PRTFDC1: variants seen among roughly 807,000 people sequenced by gnomAD.
PRTFDC1 encodes the protein phosphoribosyltransferase domain-containing protein 1.
Under a neutral mutation model 34.6 loss-of-function variants are expected in PRTFDC1, and 38 were observed. That is an observed-to-expected ratio of 1.10 (90% CI 0.85 to 1.44). The LOEUF (loss-of-function observed/expected upper bound fraction) is 1.44, where lower values mean the gene tolerates loss of function less well. Among genes scored for constraint, PRTFDC1 ranks in the 40% most tolerant of loss-of-function variants. The probability of loss-of-function intolerance (pLI) is 0.00; values close to 1 mark genes in which losing one functional copy is unlikely to be tolerated. For synonymous variants in PRTFDC1, 93 were observed against 98.1 expected (o/e 0.95, Z 0.31); for missense variants, 270 against 283.0 (o/e 0.95, Z 0.33).
chr10:24,905,820 T>A (rs957100259), intron 3 of PRTFDC1, among the ~76,000 whole-genome samples: 1 of 152,188 alleles, frequency 6.6e-6, no homozygotes, highest in Non-Finnish European at 1.5e-5. Flanking sequence ...TGATTACTTA[T>A]TTAATAATAT....
intron 3 of PRTFDC1, among the ~76,000 whole-genome samples, chr10:24,933,689 G>C (rs1849003892): frequency 7.3e-6 from 1 of 136,168 alleles, no homozygotes; most frequent in Non-Finnish European, 1.6e-5. Context: ...AAAAGAGTTT[G>C]GCAATTTTTT....
Position 24,952,051 on chromosome 10 carries a change from T to C in PRTFDC1, c.48+477A>G, listed in dbSNP as rs1309436167. Among the ~76,000 whole-genome samples the C allele has an allele frequency of 2.6e-5, 4 of 152,246 alleles. No individual in the cohort carries two copies. Among genetic ancestry groups the C allele is most frequent in the Non-Finnish European group, 5.9e-5 (4 of 68,038 alleles). ...ACCAAAGGCTTCAAATCTCAAGCTC[T>C]GTCCACTTGAGCTACTTTATTTCCT... On this transcript the variant is annotated intron_variant, in intron 1 of 8. Coordinates refer to ENST00000320152, the MANE Select transcript of PRTFDC1 (RefSeq NM_020200.7). This position sits in a 1 kb window ranked among gnomAD's most constrained non-coding sequence, Gnocchi z 5.1.
At chr10:24,946,473 C>A (rs1399164499) in intron 1 of PRTFDC1, among the ~76,000 whole-genome samples, 2 of 152,018 alleles carry the variant, frequency 1.3e-5, no homozygotes, top group Non-Finnish European at 2.9e-5. Context: ...ACAAATGAAA[C>A]AAACCTATAA....
chr10:24,922,807 C>T (rs1216063774), intron 3 of PRTFDC1, among the ~76,000 whole-genome samples: 8 of 152,134 alleles, frequency 5.3e-5, no homozygotes, highest in Non-Finnish European at 8.8e-5. Context: ...ACAGTGGGTG[C>T]GGCCCATAGG....
Position 24,937,197 on chromosome 10 carries a change from A to C in PRTFDC1, c.326T>G (p.Leu109Arg). The part of the protein sequence containing the change: ...FVSMKVDFIR[L>R]KSYRNDQSMG... The stretch of plus-strand genomic sequence containing the variant: ...GTAATAACTTACCCTGTAACTTTTT[A>C]GTCTGATGAAATCAACCTTCATTGA... Residue 109 changes from leucine (L) to arginine (R), a missense_variant, in exon 3 of 9, where the codon CTA becomes CGA. Physicochemically the swap from Leu to Arg is moderately radical, Grantham distance 102. Coordinates refer to ENST00000320152, the MANE Select transcript of PRTFDC1 (RefSeq NM_020200.7). 1 of 1,612,444 alleles carries C rather than the reference A, an allele frequency of 6.2e-7. No homozygotes were observed. Among genetic ancestry groups the C allele is most frequent in the Non-Finnish European group, 8.5e-7 (1 of 1,179,448 alleles).
intron 1 of PRTFDC1, among the ~76,000 whole-genome samples, chr10:24,945,063 A>G (rs1338972097): frequency 1.3e-5 from 2 of 152,074 alleles, no homozygotes; most frequent in Non-Finnish European, 2.9e-5. Context: ...AGATTTCCAC[A>G]TGGCTGTCCT....
At chr10:24,872,700 T>TAC (rs1474199458) in intron 3 of PRTFDC1, among the ~76,000 whole-genome samples, 3 of 142,064 alleles carry the variant, frequency 2.1e-5, no homozygotes, top group African/African-American at 8.0e-5. Context: ...TATATATATA[T>TAC]ACACAAAATA....
chr10:24,854,894 C>A (rs982487796), intron 7 of PRTFDC1, among the ~76,000 whole-genome samples: 3 of 152,132 alleles, frequency 2.0e-5, no homozygotes, highest in Non-Finnish European at 4.4e-5. Context: ...GCATAAGAAT[C>A]CCTCTAAACC....
At chr10:24,854,182 G>A (rs761060359) in intron 7 of PRTFDC1, among the ~76,000 whole-genome samples, 11 of 152,160 alleles carry the variant, frequency 7.2e-5, no homozygotes, top group Non-Finnish European at 1.3e-4. Flanking sequence ...TGTCATTGAA[G>A]TGAATGTTTT....
intron 7 of PRTFDC1, among the ~76,000 whole-genome samples, chr10:24,854,587 C>T (rs771039092): frequency 1.3e-5 from 2 of 152,086 alleles, no homozygotes; most frequent in Middle Eastern, 6.3e-3. Flanking sequence ...AAAATCGCCT[C>T]TAGTGTTAGA....
At chr10:24,858,306 G>A in intron 5 of PRTFDC1, 86 bp downstream of exon 5, 1 of 1,464,452 alleles carries the variant, frequency 6.8e-7, no homozygotes, top group Non-Finnish European at 9.5e-7. Context: ...GAAATCCTTG[G>A]TCAATTTGAT....
At chr10:24,904,203 C>A (rs968700253) in intron 3 of PRTFDC1, among the ~76,000 whole-genome samples, 1 of 151,728 alleles carries the variant, frequency 6.6e-6, no homozygotes, top group Non-Finnish European at 1.5e-5. Context: ...GTTTCAGTAC[C>A]GGCCCTGAGT....
Position 24,849,471 on chromosome 10 carries a change from G to A in PRTFDC1, c.*373C>T, listed in dbSNP as rs780690367. The A allele has an allele frequency of 5.3e-5, 9 of 170,242 alleles. No homozygotes were observed. The highest frequency in any genetic ancestry group is 1.0e-4 in the Non-Finnish European group (8 of 80,236). 10.5% of individuals were successfully genotyped at this position (170,242 alleles called of 1,614,324 possible). ...TTGTAAGCTTATTACCAAAATAAGAGTATAAAAAGTTAAGTGAAAAATATT... is the reference window on the plus strand; with the variant it reads ...TTGTAAGCTTATTACCAAAATAAGAATATAAAAAGTTAAGTGAAAAATATT... On this transcript the variant is annotated 3_prime_UTR_variant, in exon 9 of 9. Transcript: ENST00000320152.
intron 4 of PRTFDC1, among the ~76,000 whole-genome samples, chr10:24,871,668 G>A (rs1565261205): frequency 1.3e-5 from 2 of 150,434 alleles, no homozygotes; most frequent in African/African-American, 4.9e-5. Context: ...AAAGGCAGAC[G>A]AATAAATAAA....
chr10:24,887,479 C>T (rs1403455349), intron 3 of PRTFDC1, among the ~76,000 whole-genome samples: 9 of 152,020 alleles, frequency 5.9e-5, no homozygotes, highest in Non-Finnish European at 7.4e-5. Flanking sequence ...CCTCTCCCTT[C>T]GCTCTGCACT....
intron 4 of PRTFDC1, among the ~76,000 whole-genome samples, chr10:24,866,360 C>CAAAAA (rs372329425): frequency 5.8e-5 from 3 of 51,800 alleles, no homozygotes; most frequent in South Asian, 1.4e-3. Flanking sequence ...GATTCTGCCT[C>CAAAAA]AAAAAAAAAA....
At chr10:24,906,828 A>T (rs1210357324) in intron 3 of PRTFDC1, among the ~76,000 whole-genome samples, 1 of 152,212 alleles carries the variant, frequency 6.6e-6, no homozygotes, top group African/African-American at 2.4e-5. Flanking sequence ...TGAGCATCAC[A>T]ATCTTTGGTT....
At chr10:24,881,029 C>T (rs1222183224) in intron 3 of PRTFDC1, among the ~76,000 whole-genome samples, 1 of 129,150 alleles carries the variant, frequency 7.7e-6, no homozygotes, top group Non-Finnish European at 1.6e-5. Context: ...TTCTCTCTCT[C>T]TATCTCTTTC....
chr10:24,949,711 T>TTTTG lies in PRTFDC1; in HGVS notation c.48+2813_48+2816dup, dbSNP rs1234679861. Reference sequence around the variant, plus strand: ...AGCTGGTCCAGTTTATACTCATTTTTTTTGTTTATTTATTTATTTATTTAT... The same window carrying TTTTG: ...AGCTGGTCCAGTTTATACTCATTTTTTTTGTTTGTTTATTTATTTATTTATTTAT... On this transcript the variant is annotated intron_variant, in intron 1 of 8. Transcript: ENST00000320152. 4.1e-3 allele frequency among the ~76,000 whole-genome samples: 568 copies of TTTTG among 137,426 alleles called. 5 individuals carry two copies. Among genetic ancestry groups the TTTTG allele is most frequent in the African/African-American group, 0.015 (507 of 33,910 alleles). 90.2% of individuals were successfully genotyped at this position (137,426 alleles called of 152,430 possible).
Sources: allele counts gnomAD v4.1 joint callset (sites outside exome capture counted in the v4.1 genomes callset), GRCh38; gene constraint gnomAD v4.1.1; non-coding constraint Gnocchi (gnomAD v3.1); transcripts MANE v1.5; gene names NCBI Gene and HGNC (gene_info 2026-07-23, HGNC 2026-07-21).